The following STRADB variants were observed in gnomAD, a reference collection of about 807,000 sequenced individuals.
STRADB encodes the protein STE20-related kinase adapter protein beta.
Under a neutral mutation model 52.1 loss-of-function variants are expected in STRADB, and 34 were observed. That is an observed-to-expected ratio of 0.65 (90% CI 0.50 to 0.87). STRADB has a LOEUF of 0.87. STRADB is among the 40% of genes least tolerant of loss of function. STRADB has a pLI of 0.00. For synonymous variants in STRADB, 133 were observed against 174.5 expected, an observed-to-expected ratio of 0.76 and a Z score of 1.87; for missense variants, 340 against 483.9, an observed-to-expected ratio of 0.70 and a Z score of 2.79.
Position 201,477,689 on chromosome 2 carries a change from C to T in STRADB, c.619C>T (p.His207Tyr), listed in dbSNP as rs1355154669. The stretch of plus-strand genomic sequence containing the variant: ...GACCCTCTCTGGCCTGTCCCATCTG[C>T]ATAGTTTGGTTAAGCATGGACAGAG... Reference protein sequence around the residue: ...LVTLSGLSHLHSLVKHGQRHR... With the variant: ...LVTLSGLSHLYSLVKHGQRHR... Residue 207 changes from histidine to tyrosine, a missense_variant, in exon 8 of 12, where the codon CAT (histidine) becomes TAT (tyrosine). By Grantham distance (83) the His-to-Tyr change is moderately conservative (BLOSUM62 2). Coordinates refer to ENST00000194530, the MANE Select transcript of STRADB (RefSeq NM_018571.6). 6.2e-7 allele frequency: 1 copy of T among 1,613,300 alleles called. No individual in the cohort carries two copies. The highest frequency in any genetic ancestry group is 2.2e-5 in the East Asian group (1 of 44,852).
chr2:201,475,866 A>G, intron 7 of STRADB, 124 bp downstream of exon 7: 1 of 1,040,372 alleles, frequency 9.6e-7, no homozygotes, highest in Non-Finnish European at 1.4e-6. Context: ...GTGAAAATTG[A>G]GGGAGGAAGG....
At chr2:201,475,349 A>AT (rs1400872079) in intron 6 of STRADB, among the ~76,000 whole-genome samples, 15 of 151,946 alleles carry the variant, frequency 9.9e-5, no homozygotes, top group East Asian at 3.9e-4. Context: ...TAAGAAAAAA[A>AT]AAAATATATA....
At chr2:201,479,065 T>G (rs1422888745) in intron 10 of STRADB, 3 of 181,418 alleles carry the variant, frequency 1.7e-5, no homozygotes, top group African/African-American at 7.3e-5. Flanking sequence ...AGAGCGAGAC[T>G]CCATCTCAAA....
At chr2:201,467,105 C>G (rs1479413124) in intron 3 of STRADB, among the ~76,000 whole-genome samples, 2 of 152,170 alleles carry the variant, frequency 1.3e-5, no homozygotes, top group Non-Finnish European at 2.9e-5. Flanking sequence ...CCACATTAAT[C>G]AAGCTCATTA....
chr2:201,479,364 A>G, intron 10 of STRADB, 125 bp from the exon 11 acceptor site: 1 of 833,746 alleles, frequency 1.2e-6, no homozygotes, highest in Non-Finnish European at 1.9e-6. Flanking sequence ...TCTGACATAC[A>G]TTCTTTTTAA....
chr2:201,477,971 C>A, intron 8 of STRADB, 116 bp from the exon 9 acceptor site: 1 of 1,159,580 alleles, frequency 8.6e-7, no homozygotes, highest in African/African-American at 1.6e-5. Flanking sequence ...CTTGATTTGT[C>A]GCTTATGGGT....
intron 7 of STRADB, 82 bp downstream of exon 7, chr2:201,475,824 A>C: frequency 7.0e-7 from 1 of 1,429,272 alleles, no homozygotes; most frequent in Non-Finnish European, 9.4e-7. Flanking sequence ...GGAGCAGTTG[A>C]ATATTAGAAA....
At position 201,478,451 on chromosome 2, in the gene STRADB, G is replaced by A. The variant is rs745485424; in HGVS notation, c.920G>A (p.Gly307Asp). The change falls in exon 10 of 12, where the codon GGT (glycine) becomes GAT (aspartate). Residue 307 changes from glycine to aspartate, a missense_variant. Coordinates refer to ENST00000194530, the MANE Select transcript of STRADB (RefSeq NM_018571.6). ...SESRMKNSQS[G>D]VDSGIGESVL... The stretch of plus-strand genomic sequence containing the variant: ...TCCAGAATGAAAAATTCCCAGTCAG[G>A]TGTAGACTCTGGGATTGGAGAAAGT... The A allele has an allele frequency of 6.2e-7, 1 of 1,613,908 alleles. No homozygotes were observed. The highest frequency in any genetic ancestry group is 1.3e-5 in the African/African-American group (1 of 74,900).
intron 2 of STRADB, among the ~76,000 whole-genome samples, chr2:201,455,865 T>C (rs528483536): frequency 6.6e-6 from 1 of 152,348 alleles, no homozygotes; most frequent in African/African-American, 2.4e-5. Context: ...GCCAGACTCA[T>C]ACCTGCCAAT....
At chr2:201,464,566 G>T (rs1454329498) in intron 3 of STRADB, among the ~76,000 whole-genome samples, 1 of 152,176 alleles carries the variant, frequency 6.6e-6, no homozygotes, top group Non-Finnish European at 1.5e-5. Flanking sequence ...ACTGGGTCTT[G>T]CCCCAGGCCT....
At chr2:201,477,421 A>G (rs1267873500) in intron 7 of STRADB, among the ~76,000 whole-genome samples, 198 bp from the exon 8 acceptor site, 3 of 152,196 alleles carry the variant, frequency 2.0e-5, no homozygotes, top group Non-Finnish European at 4.4e-5. Flanking sequence ...TGCTGTAGTA[A>G]GTAGCTGAAA....
At chr2:201,459,955 T>C (rs2125673307) in intron 3 of STRADB, among the ~76,000 whole-genome samples, 1 of 152,338 alleles carries the variant, frequency 6.6e-6, no homozygotes, top group East Asian at 1.9e-4. Flanking sequence ...TATTTGGTTC[T>C]GCTCCCGTGT....
chr2:201,478,769 A>T (rs1398418471), intron 10 of STRADB, among the ~76,000 whole-genome samples, 168 bp downstream of exon 10: 1 of 152,070 alleles, frequency 6.6e-6, no homozygotes, highest in Non-Finnish European at 1.5e-5. Flanking sequence ...AATGAGAAGA[A>T]TACTGGATTC....
intron 8 of STRADB, 110 bp downstream of exon 8, chr2:201,477,900 CTTTA>C (rs1952504789): frequency 9.0e-6 from 12 of 1,330,984 alleles, no homozygotes; most frequent in Non-Finnish European, 9.4e-6. Context: ...TTCTGCAAGA[CTTTA>C]TTTCTCTTTC....
intron 2 of STRADB, among the ~76,000 whole-genome samples, chr2:201,455,365 A>G (rs1952112030): frequency 6.6e-6 from 1 of 152,266 alleles, no homozygotes; most frequent in East Asian, 1.9e-4. Flanking sequence ...CCTGTTTTAT[A>G]CATAATAATA....
In STRADB at chr2:201,478,297, G is replaced by A. The variant is rs1574296441; in HGVS notation, c.826-60G>A. ...GCTATAGACTCTTAGGAGCTTTATT[G>A]TTGTTACTGTTTTAATATTTTGCCT... On this transcript the variant is annotated intron_variant, in intron 9 of 11. Transcript: ENST00000194530. 5.0e-6 allele frequency: 8 copies of A among 1,601,534 alleles called. No individual in the cohort carries two copies. In the East Asian group the frequency reaches 1.6e-4, roughly 31 times the overall value.
chr2:201,452,198 G>C (rs1265033629), intron 1 of STRADB, among the ~76,000 whole-genome samples: 1 of 151,978 alleles, frequency 6.6e-6, no homozygotes, highest in Non-Finnish European at 1.5e-5. Context: ...TGCCTGCCGG[G>C]TTGGCCGTGC....
chr2:201,452,780 G>A (rs1952066932), intron 1 of STRADB, among the ~76,000 whole-genome samples: 1 of 152,140 alleles, frequency 6.6e-6, no homozygotes, highest in Non-Finnish European at 1.5e-5. Context: ...TAGAAGATGC[G>A]CCCTTTGGTT....
At chr2:201,453,305 A>G (rs1324803897) in intron 1 of STRADB, among the ~76,000 whole-genome samples, 1 of 152,216 alleles carries the variant, frequency 6.6e-6, no homozygotes, top group Non-Finnish European at 1.5e-5. Flanking sequence ...GAGTGAAAAA[A>G]GCAGGATACA....
Sources: allele counts gnomAD v4.1 joint callset (sites outside exome capture counted in the v4.1 genomes callset), GRCh38; gene constraint gnomAD v4.1.1; transcripts MANE v1.5; gene names NCBI Gene and HGNC (gene_info 2026-07-23, HGNC 2026-07-21).